Variants in RUNX1T1 observed in about 807,000 individuals in gnomAD.
The protein encoded by RUNX1T1 is RUNX1 partner transcriptional co-repressor 1, also known as protein CBFA2T1.
In RUNX1T1, 4 loss-of-function variants were observed where a neutral mutation model predicts 62.8. That is an observed-to-expected ratio of 0.06 (90% CI 0.03 to 0.15). The LOEUF is 0.15. RUNX1T1 is among the 10% of genes least tolerant of loss of function. RUNX1T1 has a pLI of 1.00. For synonymous variants in RUNX1T1, 291 were observed against 286.0 expected (o/e 1.02, Z -0.18); for missense variants, 508 against 754.3 (o/e 0.67, Z 3.82).
chr8:92,088,974 T>C (rs1444314516), intron 1 of RUNX1T1, among the ~76,000 whole-genome samples: 2 of 152,224 alleles, frequency 1.3e-5, no homozygotes, highest in South Asian at 2.1e-4. Flanking sequence ...TGACTTCCCA[T>C]TGAACTCTGA....
chr8:91,972,012 T>G (rs577059135), intron 9 of RUNX1T1, among the ~76,000 whole-genome samples: 9 of 152,182 alleles, frequency 5.9e-5, no homozygotes, highest in Non-Finnish European at 1.3e-4. Flanking sequence ...AATTATTAAC[T>G]TGGCAAACCT....
At chr8:92,084,476 C>T (rs1835785933) in intron 1 of RUNX1T1, among the ~76,000 whole-genome samples, 2 of 152,104 alleles carry the variant, frequency 1.3e-5, no homozygotes, top group Non-Finnish European at 2.9e-5. Flanking sequence ...AAAGATTTCA[C>T]TTTAGTCTCA....
chr8:92,036,206 T>G (rs1827383062), intron 1 of RUNX1T1, among the ~76,000 whole-genome samples: 1 of 152,164 alleles, frequency 6.6e-6, no homozygotes, highest in Admixed American at 6.5e-5. Flanking sequence ...CAAAGAGCAT[T>G]CCACATATAA....
chr8:91,959,990 C>T (rs1810077749), exon 11 of RUNX1T1: 1 of 531,398 alleles, frequency 1.9e-6, no homozygotes, highest in South Asian at 2.3e-5. Context: ...GTTATATTCT[C>T]TGCTCTCTTT....
chr8:92,039,544 T>C (rs1379922728), intron 1 of RUNX1T1, among the ~76,000 whole-genome samples: 7 of 152,158 alleles, frequency 4.6e-5, no homozygotes, highest in Admixed American at 4.6e-4. Flanking sequence ...ACTCAAAAGG[T>C]TTTAGCTATC....
chr8:91,964,585 A>G (rs1029238337), intron 10 of RUNX1T1, among the ~76,000 whole-genome samples: 1 of 152,302 alleles, frequency 6.6e-6, no homozygotes, highest in Admixed American at 6.5e-5. Flanking sequence ...CCCTCAAAAT[A>G]AATAATTTTC....
At chr8:91,956,891 A>C (rs1809470423), downstream of RUNX1T1, 1 of 208,396 alleles carries the variant, frequency 4.8e-6, no homozygotes, top group Non-Finnish European at 9.8e-6. Flanking sequence ...TCTTTCCCTA[A>C]GTATTCCAGA....
At chr8:91,975,451 C>T (rs1178023365) in intron 9 of RUNX1T1, among the ~76,000 whole-genome samples, 1 of 150,070 alleles carries the variant, frequency 6.7e-6, no homozygotes, top group African/African-American at 2.4e-5. Context: ...TATCTGAGTA[C>T]TTTAACAAGT....
At chr8:92,010,813 G>A (rs554768472) in intron 4 of RUNX1T1, 189 bp downstream of exon 5, 5 of 456,938 alleles carry the variant, frequency 1.1e-5, no homozygotes, top group Non-Finnish European at 1.9e-5. Context: ...TTCTTTTCAG[G>A]TAATTATTTA....
chr8:92,073,030 G>A (rs1833914314), intron 2 of RUNX1T1, among the ~76,000 whole-genome samples: 1 of 152,084 alleles, frequency 6.6e-6, no homozygotes, highest in South Asian at 2.1e-4. Flanking sequence ...AAAGTTTCCT[G>A]TCATTCTTTC....
chr8:91,968,037 G>A (rs745360505), intron 10 of RUNX1T1, among the ~76,000 whole-genome samples: 2 of 151,956 alleles, frequency 1.3e-5, no homozygotes, highest in South Asian at 2.1e-4. Context: ...AATGAATATC[G>A]TCCCATTCCT....
chr8:92,031,956 CG>C (rs1826314038), intron 1 of RUNX1T1, among the ~76,000 whole-genome samples: 1 of 151,476 alleles, frequency 6.6e-6, no homozygotes, highest in Non-Finnish European at 1.5e-5. Flanking sequence ...TAGCCAGGCA[CG>C]GGACTCACAC....
chr8:92,100,745 T>C (rs965512162), upstream of RUNX1T1, among the ~76,000 whole-genome samples: 7 of 152,236 alleles, frequency 4.6e-5, no homozygotes, highest in African/African-American at 1.7e-4. Flanking sequence ...ATCTTTATTA[T>C]CTGAAAATCA....
intron 1 of RUNX1T1, among the ~76,000 whole-genome samples, chr8:92,056,466 G>A (rs1477167327): frequency 6.6e-6 from 1 of 152,078 alleles, no homozygotes; most frequent in Admixed American, 6.5e-5. Flanking sequence ...TCTGTATAAT[G>A]TTAATAAACC....
chr8:91,960,207 G>GAACA, exon 11 of RUNX1T1: 1 of 1,589,494 alleles, frequency 6.3e-7, no homozygotes, highest in Non-Finnish European at 8.6e-7. Flanking sequence ...CGCGTTGGTT[G>GAACA]TGTTGTCTTT....
At chr8:91,959,432 G>A (rs1028213189) in exon 11 of RUNX1T1, 4 of 98,592 alleles carry the variant, frequency 4.1e-5, no homozygotes, top group East Asian at 1.7e-4. Context: ...GTGTGTGTGT[G>A]TGTGTGTGTG....
In RUNX1T1 at chr8:91,993,650, T is replaced by C. The variant is rs186275440; in HGVS notation, c.660-1761A>G. 1.9e-4 allele frequency among the ~76,000 whole-genome samples: 29 copies of C among 152,238 alleles called. No homozygotes were observed. The East Asian group carries it at 5.6e-3, about 29-fold the overall frequency. ...GGCTTTTTTCCCCCCAGCTCCTCAA[T>C]AACAGAAGCTGTAAACTATTACAGA... On this transcript the variant is annotated intron_variant, in intron 5 of 10. Transcript: ENST00000396218.
intron 1 of RUNX1T1, among the ~76,000 whole-genome samples, chr8:92,088,330 T>C (rs1451035318): frequency 6.6e-6 from 1 of 152,216 alleles, no homozygotes; most frequent in Non-Finnish European, 1.5e-5. Context: ...AAGCTATTAG[T>C]CTTCCCTGAC....
At chr8:91,974,411 C>A (rs1262007894) in intron 9 of RUNX1T1, among the ~76,000 whole-genome samples, 1 of 152,092 alleles carries the variant, frequency 6.6e-6, no homozygotes, top group East Asian at 1.9e-4. Context: ...CAAGACCTTA[C>A]TGGTAATTTT....
Sources: gnomAD v4.1 joint callset for allele counts (sites outside exome capture counted in the v4.1 genomes callset) on GRCh38, gnomAD v4.1.1 for gene constraint, MANE v1.5 for transcripts, NCBI Gene and HGNC (gene_info 2026-07-23, HGNC 2026-07-21) for gene names.